CREB3L2: variants seen among roughly 807,000 people sequenced by gnomAD.
CREB3L2 encodes cyclic AMP-responsive element-binding protein 3-like protein 2.
Under a neutral mutation model 57.2 loss-of-function variants are expected in CREB3L2, and 23 were observed. The ratio of observed to expected loss-of-function variants is 0.40; its 90% CI spans 0.29 to 0.57. The LOEUF (loss-of-function observed/expected upper bound fraction) is 0.57, where lower values mean the gene tolerates loss of function less well. Ranked by LOEUF, CREB3L2 falls within the 20% of genes least tolerant of loss-of-function variation. The pLI is 0.42. For missense variants in CREB3L2, 628 were observed against 634.7 expected, an observed-to-expected ratio of 0.99 and a Z score of 0.11; for synonymous variants, 268 against 265.1, an observed-to-expected ratio of 1.01 and a Z score of -0.11.
chr7:137,895,797 C>G (rs1304359032), intron 8 of CREB3L2, among the ~76,000 whole-genome samples: 1 of 152,138 alleles, frequency 6.6e-6, no homozygotes, highest in African/African-American at 2.4e-5. Context: ...AATGATGAAA[C>G]AGCCACTCAC....
chr7:137,988,782 G>A (rs1283335962), intron 1 of CREB3L2, among the ~76,000 whole-genome samples: 3 of 152,128 alleles, frequency 2.0e-5, no homozygotes, highest in Non-Finnish European at 4.4e-5. Context: ...GGACTTATCT[G>A]GAGAGAAGAA....
At chr7:137,890,033 G>A (rs138106426) in intron 8 of CREB3L2, among the ~76,000 whole-genome samples, 372 of 152,244 alleles carry the variant, frequency 2.4e-3, no homozygotes, top group Non-Finnish European at 4.2e-3. Context: ...TCTTAGTTAA[G>A]TAGATTTTTC....
chr7:137,924,527 G>A (rs1433015905), intron 2 of CREB3L2, among the ~76,000 whole-genome samples: 1 of 152,172 alleles, frequency 6.6e-6, no homozygotes, highest in Non-Finnish European at 1.5e-5. Flanking sequence ...ACAAGACTTG[G>A]TCATTCAAAT....
chr7:137,881,347 T>A (rs1354828834), intron 11 of CREB3L2, among the ~76,000 whole-genome samples: 1 of 152,202 alleles, frequency 6.6e-6, no homozygotes, highest in African/African-American at 2.4e-5. Flanking sequence ...AGCATTGACA[T>A]GACGCTCAAA....
At chr7:137,907,953 G>A (rs577805613) in intron 5 of CREB3L2, among the ~76,000 whole-genome samples, 1 of 152,282 alleles carries the variant, frequency 6.6e-6, no homozygotes, top group African/African-American at 2.4e-5. Flanking sequence ...GAACTTTGAG[G>A]AGAAAAACCC....
chr7:137,958,572 C>G (rs56404139), intron 1 of CREB3L2, among the ~76,000 whole-genome samples: 2 of 152,234 alleles, frequency 1.3e-5, no homozygotes, highest in Non-Finnish European at 2.9e-5. Context: ...CTTGAGATAT[C>G]TGATGAGTGA....
chr7:137,921,777 T>C (rs28546436), intron 2 of CREB3L2, among the ~76,000 whole-genome samples: 8,626 of 152,176 alleles, frequency 0.057, 793 homozygotes, highest in African/African-American at 0.2. Context: ...AGCACAGTTA[T>C]ATATGAAAGG....
At chr7:137,904,564 T>A (rs1799840044) in intron 6 of CREB3L2, among the ~76,000 whole-genome samples, 1 of 152,084 alleles carries the variant, frequency 6.6e-6, no homozygotes. Context: ...ATTGGGAGGC[T>A]GAGGCAAGAG....
intron 8 of CREB3L2, 61 bp from the exon 9 acceptor site, chr7:137,885,563 C>A: frequency 7.4e-7 from 1 of 1,359,366 alleles, no homozygotes; most frequent in Non-Finnish European, 1.0e-6. Context: ...TTTTTGATCT[C>A]TCCATGTGAC....
chr7:137,900,977 T>C (rs1311441509), intron 8 of CREB3L2, among the ~76,000 whole-genome samples: 1 of 152,196 alleles, frequency 6.6e-6, no homozygotes, highest in Non-Finnish European at 1.5e-5. Flanking sequence ...TCCAAGCCTC[T>C]TTTTTAACCC....
At chr7:137,922,212 C>G (rs1800296921) in intron 2 of CREB3L2, among the ~76,000 whole-genome samples, 2 of 151,236 alleles carry the variant, frequency 1.3e-5, no homozygotes, top group South Asian at 4.2e-4. Context: ...AGCCACTTTT[C>G]CTTTAAATAC....
rs561418510 is a variant in CREB3L2, at chr7:137,896,820, A to C, written c.1043+4534T>G. 8.5e-5 allele frequency among the ~76,000 whole-genome samples: 13 copies of C among 152,352 alleles called. No homozygotes were observed. In the South Asian group the frequency reaches 2.7e-3, roughly 32 times the overall value. On this transcript the variant is annotated intron_variant, in intron 8 of 11. Transcript: ENST00000330387. ...AGGGAAGGAGGCCAAGGGGAAGAGGAACATCGACAAACTTGTTCTGCTTTG... is the reference window on the plus strand; with the variant it reads ...AGGGAAGGAGGCCAAGGGGAAGAGGCACATCGACAAACTTGTTCTGCTTTG...
intron 1 of CREB3L2, among the ~76,000 whole-genome samples, chr7:137,961,392 A>T (rs2117286685): frequency 6.6e-6 from 1 of 152,200 alleles, no homozygotes; most frequent in Admixed American, 6.5e-5. Flanking sequence ...GCACAGTCAA[A>T]GCACAGGCTG....
At chr7:137,882,769 T>C (rs959016053) in intron 10 of CREB3L2, 141 bp from the exon 11 acceptor site, 1 of 551,592 alleles carries the variant, frequency 1.8e-6, no homozygotes, top group African/African-American at 1.9e-5. Context: ...CCAACAGAAT[T>C]TGGCTTTCTA....
chr7:137,948,718 C>A (rs1020845204), intron 1 of CREB3L2, among the ~76,000 whole-genome samples: 1 of 152,148 alleles, frequency 6.6e-6, no homozygotes, highest in Non-Finnish European at 1.5e-5. Context: ...AGTATTAGCA[C>A]GTAACTGAAG....
chr7:137,944,788 T>A (rs768196709), intron 1 of CREB3L2, among the ~76,000 whole-genome samples: 10 of 152,332 alleles, frequency 6.6e-5, no homozygotes, highest in Non-Finnish European at 8.8e-5. Flanking sequence ...TCTTTATATA[T>A]TTATATATGT....
At chr7:137,968,448 A>G (rs1301015002) in intron 1 of CREB3L2, among the ~76,000 whole-genome samples, 1 of 152,040 alleles carries the variant, frequency 6.6e-6, no homozygotes, top group East Asian at 1.9e-4. Flanking sequence ...CTTACGAGTG[A>G]GAACATGCAG....
chr7:137,946,268 G>A (rs1800971870), intron 1 of CREB3L2, among the ~76,000 whole-genome samples: 1 of 152,106 alleles, frequency 6.6e-6, no homozygotes, highest in Non-Finnish European at 1.5e-5. Flanking sequence ...GTGTCTTGAA[G>A]GTCTCAATTC....
At chr7:137,950,529 G>A (rs1801074885) in intron 1 of CREB3L2, among the ~76,000 whole-genome samples, 1 of 152,152 alleles carries the variant, frequency 6.6e-6, no homozygotes, top group South Asian at 2.1e-4. Context: ...ATGCTTCTGA[G>A]CTACTCCGTA....
Sources: gnomAD v4.1 joint callset for allele counts (sites outside exome capture counted in the v4.1 genomes callset) on GRCh38, gnomAD v4.1.1 for gene constraint, MANE v1.5 for transcripts, NCBI Gene and HGNC (gene_info 2026-07-23, HGNC 2026-07-21) for gene names.